The following DRC9 variants were observed in gnomAD, a reference collection of about 807,000 sequenced individuals.
The protein encoded by DRC9 is dynein regulatory complex protein 9.
At chr3:197,913,885 A>G in the DRC9 span, 6 of 1,613,896 alleles carry the variant, frequency 3.7e-6, no homozygotes, top group African/African-American at 4.0e-5. Context: ...GATTACCTCA[A>G]TCTCTTCCAC....
the DRC9 span, chr3:197,913,839 A>G: frequency 1.2e-6 from 2 of 1,600,778 alleles, no homozygotes; most frequent in Non-Finnish European, 1.7e-6. Flanking sequence ...TGACAGCTCA[A>G]TTGCCATCTC....
chr3:197,933,514 A>C, the DRC9 span, among the ~76,000 whole-genome samples: 2 of 152,154 alleles, frequency 1.3e-5, no homozygotes, highest in African/African-American at 2.4e-5. Context: ...AAATGATTTA[A>C]CTTTTTCAAA....
At chr3:197,941,654 G>A in the DRC9 span, among the ~76,000 whole-genome samples, 1 of 144,578 alleles carries the variant, frequency 6.9e-6, no homozygotes, top group Non-Finnish European at 1.5e-5. Context: ...TCAGTCTCAT[G>A]GGCTCAAATG....
the DRC9 span, chr3:197,891,545 T>C: frequency 3.9e-6 from 6 of 1,550,212 alleles, no homozygotes; most frequent in Non-Finnish European, 5.3e-6. Flanking sequence ...CATACTCTCT[T>C]ATCTGCAAAG....
At chr3:197,928,693 T>G in the DRC9 span, among the ~76,000 whole-genome samples, 1 of 152,066 alleles carries the variant, frequency 6.6e-6, no homozygotes, top group African/African-American at 2.4e-5. Flanking sequence ...AGGCAAGAAA[T>G]AATGAAAGGT....
chr3:197,938,515 G>A, the DRC9 span: 8 of 1,531,810 alleles, frequency 5.2e-6, no homozygotes, highest in African/African-American at 2.7e-5. Context: ...GTGTAAATAC[G>A]TTATTTCACT....
chr3:197,949,786 A>G, the DRC9 span: 1 of 345,056 alleles, frequency 2.9e-6, no homozygotes, highest in East Asian at 4.4e-5. Context: ...CGTTCTGTCT[A>G]TTGCTGTGTG....
At chr3:197,954,678 A>G in the DRC9 span, among the ~76,000 whole-genome samples, 1 of 152,060 alleles carries the variant, frequency 6.6e-6, no homozygotes, top group Admixed American at 6.6e-5. Flanking sequence ...TGCCCAGATA[A>G]TTTTTTGTAT....
At chr3:197,892,530 C>G in the DRC9 span, 1 of 1,419,900 alleles carries the variant, frequency 7.0e-7, no homozygotes, top group South Asian at 1.3e-5. Context: ...CTTCCACTCC[C>G]TCCTCAGTGA....
the DRC9 span, chr3:197,912,956 C>T: frequency 3.6e-6 from 2 of 558,032 alleles, no homozygotes; most frequent in South Asian, 2.0e-5. Context: ...CCTAACGAGA[C>T]GAGCACAATC....
At chr3:197,889,413 C>T in the DRC9 span, 3 of 763,672 alleles carry the variant, frequency 3.9e-6, no homozygotes, top group South Asian at 5.2e-5. Context: ...ACCCACCTAA[C>T]AGGCAGAGTG....
the DRC9 span, among the ~76,000 whole-genome samples, chr3:197,895,007 T>C: frequency 6.6e-6 from 1 of 151,958 alleles, no homozygotes; most frequent in African/African-American, 2.4e-5. Flanking sequence ...CAGTGAGCTA[T>C]GATTACGCCA....
the DRC9 span, among the ~76,000 whole-genome samples, chr3:197,934,586 T>C: frequency 6.6e-6 from 1 of 152,136 alleles, no homozygotes; most frequent in Non-Finnish European, 1.5e-5. Flanking sequence ...TTGCCCGTGG[T>C]CACATACCTA....
chr3:197,945,171 A>T, the DRC9 span, among the ~76,000 whole-genome samples: 1 of 152,188 alleles, frequency 6.6e-6, no homozygotes, highest in Admixed American at 6.5e-5. Context: ...GCTAGGTGAT[A>T]AAAGACATTG....
At chr3:197,950,311 A>T in the DRC9 span, 1 of 1,229,540 alleles carries the variant, frequency 8.1e-7, no homozygotes, top group Non-Finnish European at 1.0e-6. Context: ...TGCGTATCGG[A>T]GTCTCTGCCA....
chr3:197,904,111 T>TATATATA, the DRC9 span, among the ~76,000 whole-genome samples: 106 of 22,756 alleles, frequency 4.7e-3, no homozygotes, highest in Admixed American at 5.7e-3. Flanking sequence ...TATATATATA[T>TATATATA]TTTTTTTTTT....
the DRC9 span, among the ~76,000 whole-genome samples, chr3:197,900,917 G>A: frequency 6.6e-6 from 1 of 152,190 alleles, no homozygotes; most frequent in Non-Finnish European, 1.5e-5. The surrounding 1 kb of genome is among the most constrained non-coding windows in gnomAD (Gnocchi z 4.7). Flanking sequence ...AAGAGCCCCC[G>A]GGCCCTGAAT....
At chr3:197,897,387 T>C in the DRC9 span, among the ~76,000 whole-genome samples, 2 of 152,186 alleles carry the variant, frequency 1.3e-5, no homozygotes, top group African/African-American at 4.8e-5. Flanking sequence ...GATATTACAA[T>C]TATGAACCGC....
At chr3:197,952,161 G>GGTTT in the DRC9 span, among the ~76,000 whole-genome samples, 11 of 133,640 alleles carry the variant, frequency 8.2e-5, no homozygotes, top group South Asian at 1.0e-3. Context: ...TAAAATTATG[G>GGTTT]GTTTTTTTTT....
Sources: allele counts gnomAD v4.1 joint callset (sites outside exome capture counted in the v4.1 genomes callset), GRCh38; gene constraint gnomAD v4.1.1; non-coding constraint Gnocchi (gnomAD v3.1); transcripts MANE v1.5; gene names NCBI Gene and HGNC (gene_info 2026-07-23, HGNC 2026-07-21).